The following SPRY3 variants were observed in gnomAD, a reference collection of about 807,000 sequenced individuals.
SPRY3 encodes the protein protein sprouty homolog 3.
A neutral mutation model predicts 20.2 loss-of-function variants in SPRY3; 15 were observed. That is an observed-to-expected ratio of 0.74 (90% confidence interval 0.50 to 1.14). SPRY3 has a LOEUF of 1.14. Ranked by LOEUF, SPRY3 falls within the 50% of genes most tolerant of loss-of-function variation. The pLI, the probability that SPRY3 is intolerant of heterozygous loss-of-function variation, is 0.00. For missense variants in SPRY3, 364 were observed against 363.9 expected, an observed-to-expected ratio of 1.00 and a Z score of 0.00; for synonymous variants, 143 against 136.5, an observed-to-expected ratio of 1.05 and a Z score of -0.33.
intron 1 of SPRY3, among the ~76,000 whole-genome samples, chrX:155,625,900 T>G (rs1459337187): frequency 9.1e-6 from 1 of 109,703 alleles, no homozygotes; most frequent in Non-Finnish European, 1.9e-5. Flanking sequence ...TCATTTCTTT[T>G]CATGGCTGAA....
intron 1 of SPRY3, among the ~76,000 whole-genome samples, chrX:155,643,431 G>T (rs1317133295): frequency 9.0e-6 from 1 of 111,653 alleles, no homozygotes; most frequent in African/African-American, 3.3e-5. Context: ...TGTGTCTTTT[G>T]ATTGGAGAGT....
At chrX:155,726,569 T>C (rs1373909971) in intron 2 of SPRY3, among the ~76,000 whole-genome samples, 1 of 152,184 alleles carries the variant, frequency 6.6e-6, no homozygotes, top group South Asian at 2.1e-4. Flanking sequence ...TTTACCATTA[T>C]GTAATGGCCT....
At chrX:155,753,022 T>A (rs1380346819) in intron 2 of SPRY3, among the ~76,000 whole-genome samples, 1 of 151,754 alleles carries the variant, frequency 6.6e-6, no homozygotes, top group African/African-American at 2.4e-5. Context: ...AAGAGAAGAG[T>A]CAAATATAAC....
At chrX:155,751,857 T>C (rs977097713) in intron 2 of SPRY3, among the ~76,000 whole-genome samples, 2 of 150,022 alleles carry the variant, frequency 1.3e-5, no homozygotes, top group Admixed American at 6.7e-5. Context: ...AAGAGACATA[T>C]AGATATTTAT....
At position 155,776,748 on chromosome X, in the gene SPRY3, G is replaced by T. The variant is rs187722249; in HGVS notation, c.*2010G>T. On this transcript the variant is annotated 3_prime_UTR_variant, in exon 4 of 4. Transcript: ENST00000675360. ...TGGGGAGAAGTGTATAGTAGTACAC[G>T]GGGGGAAGAGGGGACCTCCATGTCC... 3.8e-3 allele frequency: 603 copies of T among 160,274 alleles called. 11 individuals carry two copies. Among genetic ancestry groups the T allele is most frequent in the Non-Finnish European group, 3.1e-4 (21 of 67,938 alleles). 9.9% of individuals were successfully genotyped at this position (160,274 alleles called of 1,614,324 possible). A position where few individuals can be genotyped will look rare whatever the true frequency, so the allele number is the denominator to read the frequency against.
At chrX:155,739,461 C>A (rs1443412144) in intron 2 of SPRY3, among the ~76,000 whole-genome samples, 2 of 152,194 alleles carry the variant, frequency 1.3e-5, no homozygotes, top group Non-Finnish European at 2.9e-5. Flanking sequence ...AGCCAAAGGG[C>A]AGCCAGACTG....
intron 1 of SPRY3, among the ~76,000 whole-genome samples, chrX:155,654,260 GT>G (rs1392720853): frequency 4.5e-5 from 5 of 111,742 alleles, no homozygotes; most frequent in Non-Finnish European, 9.4e-5. Context: ...ATTTAAAGTG[GT>G]TATTGATTTT....
chrX:155,762,842 A>T (rs1232667988), intron 2 of SPRY3, among the ~76,000 whole-genome samples: 2 of 152,200 alleles, frequency 1.3e-5, no homozygotes, highest in African/African-American at 2.4e-5. Flanking sequence ...CCACCATTCA[A>T]CCCAGCAATC....
At position 155,667,956 on chromosome X, in the gene SPRY3, T is replaced by C. The variant is rs914472395; in HGVS notation, c.-282+10931T>C. On this transcript the variant is annotated intron_variant, in intron 2 of 3. Coordinates refer to ENST00000675360, the Ensembl canonical transcript of SPRY3. ...TAATGACTGAAATTAAACAATAGAC[T>C]CCAAGTGTTGCCAAGGTTGTTGAAC... 4.5e-5 allele frequency among the ~76,000 whole-genome samples: 5 copies of C among 110,825 alleles called. No homozygotes were observed. In the Admixed American group the frequency reaches 4.8e-4, roughly 11 times the overall value.
chrX:155,694,366 C>T (rs2068112338), intron 2 of SPRY3, among the ~76,000 whole-genome samples: 1 of 110,913 alleles, frequency 9.0e-6, no homozygotes, highest in African/African-American at 3.3e-5. Context: ...AGTCCATTTA[C>T]AGTTAATATT....
chrX:155,752,789 A>T (rs745714651), intron 2 of SPRY3, among the ~76,000 whole-genome samples: 2 of 151,936 alleles, frequency 1.3e-5, no homozygotes, highest in South Asian at 4.2e-4. Flanking sequence ...CATTCTCCTA[A>T]ACTCCTTACC....
At chrX:155,751,289 A>T (rs759574735) in intron 2 of SPRY3, among the ~76,000 whole-genome samples, 1 of 151,874 alleles carries the variant, frequency 6.6e-6, no homozygotes, top group Admixed American at 6.6e-5. Context: ...CACTGCCCTG[A>T]TAAGAAAAAC....
chrX:155,716,159 C>T (rs1478342397), intron 2 of SPRY3, among the ~76,000 whole-genome samples: 1 of 152,054 alleles, frequency 6.6e-6, no homozygotes, highest in African/African-American at 2.4e-5. Flanking sequence ...CTTGCCCCTG[C>T]TTTAATCTTT....
In SPRY3 at chrX:155,655,418, T is replaced by C. The variant is rs148560816; in HGVS notation, c.-440-1449T>C. ...TCATTTGATTTTGGGGACTTAGTCA[T>C]AAATTCTTTGTCTATGCCAAAGTCT... is the stretch of plus-strand genomic sequence containing the variant. On this transcript the variant is annotated intron_variant, in intron 1 of 3. Transcript: ENST00000675360. Among the ~76,000 whole-genome samples the C allele has an allele frequency of 6.8e-3, 763 of 111,918 alleles. 6 individuals carry two copies. The highest frequency in any genetic ancestry group is 0.023 in the African/African-American group (724 of 30,863).
intron 2 of SPRY3, among the ~76,000 whole-genome samples, chrX:155,715,904 G>A (rs1383998361): frequency 6.6e-6 from 1 of 152,110 alleles, no homozygotes; most frequent in African/African-American, 2.4e-5. Flanking sequence ...AAAGTGCAAA[G>A]ATTCTCTCAC....
intron 2 of SPRY3, among the ~76,000 whole-genome samples, chrX:155,679,331 A>G (rs1311036701): frequency 4.5e-5 from 5 of 111,293 alleles, no homozygotes; most frequent in African/African-American, 1.6e-4. Context: ...ACAGAAATGT[A>G]TTGCTCACAG....
chrX:155,650,214 T>C (rs1435095495), intron 1 of SPRY3, among the ~76,000 whole-genome samples: 1 of 111,573 alleles, frequency 9.0e-6, no homozygotes, highest in Non-Finnish European at 1.9e-5. Context: ...AATGCTATCC[T>C]CATTAAGCTA....
chrX:155,616,161 TTC>T (rs1166236600), intron 1 of SPRY3, among the ~76,000 whole-genome samples: 2 of 72,618 alleles, frequency 2.8e-5, no homozygotes, highest in Non-Finnish European at 5.8e-5. Context: ...TCTCTCTCTC[TTC>T]TCTCTCTCTC....
At chrX:155,696,342 C>T (rs1236749355) in intron 2 of SPRY3, among the ~76,000 whole-genome samples, 1 of 109,764 alleles carries the variant, frequency 9.1e-6, no homozygotes, top group Non-Finnish European at 1.9e-5. Context: ...ATCATGTCAT[C>T]TCTGAGGCAG....
Sources: gnomAD v4.1 joint callset for allele counts (sites outside exome capture counted in the v4.1 genomes callset) on GRCh38, gnomAD v4.1.1 for gene constraint, MANE v1.5 for transcripts, NCBI Gene and HGNC (gene_info 2026-07-23, HGNC 2026-07-21) for gene names.